The following PSEN1 variants were observed in gnomAD, a reference collection of about 807,000 sequenced individuals.
PSEN1 encodes the protein presenilin 1.
Under a neutral mutation model 53.5 loss-of-function variants are expected in PSEN1, and 15 were observed. The observed-to-expected ratio is 0.28, with a 90% confidence interval of 0.19 to 0.43. PSEN1 has a LOEUF of 0.43. PSEN1 is among the 20% of genes least tolerant of loss of function. PSEN1 has a pLI of 1.00. For synonymous variants in PSEN1, 208 were observed against 209.8 expected (o/e 0.99, Z 0.08); for missense variants, 387 against 571.2 (o/e 0.68, Z 3.29).
At chr14:73,149,128 A>G (rs933577424) in intron 3 of PSEN1, among the ~76,000 whole-genome samples, 3 of 152,166 alleles carry the variant, frequency 2.0e-5, no homozygotes, top group Non-Finnish European at 2.9e-5. Context: ...TGTTAGGACC[A>G]GAGAGCAGAG....
intron 8 of PSEN1, among the ~76,000 whole-genome samples, chr14:73,202,419 TATATATATATATATATATATATATA>T (rs1899233486): frequency 3.1e-3 from 65 of 20,636 alleles, no homozygotes; most frequent in African/African-American, 9.2e-3. Context: ...TATCACATAC[TATATATATATATATATATATATATA>T]TATATATATA....
chr14:73,139,885 A>C (rs987386747), intron 1 of PSEN1, among the ~76,000 whole-genome samples: 3 of 152,228 alleles, frequency 2.0e-5, no homozygotes, highest in Non-Finnish European at 4.4e-5. Context: ...TTGGCTTTTC[A>C]CAACGCCTTG....
Position 73,221,201 on chromosome 14 carries a change from G to A in PSEN1, c.*1912G>A, listed in dbSNP as rs962400291. ...CTATGCAAAGAAAGGGGGATTTAAA[G>A]TAGTAGGTTCTATCATCTCAATTCA... On this transcript the variant is annotated 3_prime_UTR_variant, in exon 12 of 12. Coordinates refer to ENST00000324501, the MANE Select transcript of PSEN1 (RefSeq NM_000021.4). The A allele has an allele frequency of 1.3e-5, 2 of 152,230 alleles. No homozygotes were observed. The highest frequency in any genetic ancestry group is 2.4e-5 in the African/African-American group (1 of 41,454). 9.4% of individuals were successfully genotyped at this position (152,230 alleles called of 1,614,324 possible).
chr14:73,140,638 T>A (rs1280178609), intron 1 of PSEN1, among the ~76,000 whole-genome samples: 1 of 152,186 alleles, frequency 6.6e-6, no homozygotes, highest in African/African-American at 2.4e-5. Flanking sequence ...TTTCTGCTTC[T>A]AAGACCCTGT....
intron 5 of PSEN1, 61 bp from the exon 6 acceptor site, chr14:73,186,792 A>T: frequency 3.5e-6 from 5 of 1,419,640 alleles, no homozygotes; most frequent in Non-Finnish European, 5.0e-6. Flanking sequence ...AGAAAAAAAA[A>T]ATCTGTACTT....
At chr14:73,189,856 G>A (rs1302433463) in intron 6 of PSEN1, 1 of 245,754 alleles carries the variant, frequency 4.1e-6, no homozygotes, top group Non-Finnish European at 8.4e-6. Flanking sequence ...TGCCTTCCAA[G>A]AAGCCCTTGA....
intron 5 of PSEN1, among the ~76,000 whole-genome samples, chr14:73,178,586 T>C (rs890361526): frequency 6.6e-6 from 1 of 152,208 alleles, no homozygotes; most frequent in Non-Finnish European, 1.5e-5. Context: ...TTGTTCTGGT[T>C]AGATAATTTC....
chr14:73,173,465 G>A (rs756436189), intron 4 of PSEN1, 101 bp from the exon 5 acceptor site: 44 of 1,207,786 alleles, frequency 3.6e-5, no homozygotes, highest in Middle Eastern at 2.0e-4. Context: ...TATAAGATAC[G>A]AATTGAATTA....
chr14:73,141,771 G>A (rs1364483233), intron 1 of PSEN1, among the ~76,000 whole-genome samples: 6 of 151,776 alleles, frequency 4.0e-5, no homozygotes, highest in Non-Finnish European at 8.8e-5. Context: ...GGCGACAAGA[G>A]TGAAACTACA....
intron 8 of PSEN1, among the ~76,000 whole-genome samples, chr14:73,200,991 C>T (rs1457737140): frequency 6.6e-6 from 1 of 152,128 alleles, no homozygotes; most frequent in African/African-American, 2.4e-5. Flanking sequence ...GCGGAGGTTA[C>T]AGTGAGCCAT....
intron 6 of PSEN1, among the ~76,000 whole-genome samples, chr14:73,189,059 G>T (rs1277114496): frequency 6.6e-6 from 1 of 152,088 alleles, no homozygotes; most frequent in African/African-American, 2.4e-5. Flanking sequence ...CCAAAATGCT[G>T]GGATTACAGG....
chr14:73,145,779 G>A (rs1594961577), intron 1 of PSEN1, among the ~76,000 whole-genome samples: 1 of 152,188 alleles, frequency 6.6e-6, no homozygotes. Context: ...GGGACCGTCT[G>A]TATTGTGAAA....
chr14:73,163,305 C>T (rs1190676116), intron 3 of PSEN1, among the ~76,000 whole-genome samples: 2 of 152,178 alleles, frequency 1.3e-5, no homozygotes, highest in African/African-American at 4.8e-5. Context: ...TGGCTGGACT[C>T]GATGGCTCAT....
chr14:73,185,265 T>C (rs1595022741), intron 5 of PSEN1, among the ~76,000 whole-genome samples: 1 of 150,920 alleles, frequency 6.6e-6, no homozygotes, highest in South Asian at 2.1e-4. Context: ...GGCTGGGAGG[T>C]GGAGGTTGTA....
In PSEN1 at chr14:73,223,590, C is replaced by T. The variant is rs980474545; in HGVS notation, c.*4301C>T. Reference sequence around the variant, plus strand: ...TTAATTCAGACAGACTGTGAATACACCTTTTTTATAAATACCTTTCAAATT... The same window carrying T: ...TTAATTCAGACAGACTGTGAATACATCTTTTTTATAAATACCTTTCAAATT... On this transcript the variant is annotated 3_prime_UTR_variant, in exon 12 of 12. Coordinates refer to ENST00000324501, the MANE Select transcript of PSEN1 (RefSeq NM_000021.4). 1 of 152,118 alleles carries T rather than the reference C, an allele frequency of 6.6e-6. No homozygotes were observed. The highest frequency in any genetic ancestry group is 1.9e-4 in the East Asian group (1 of 5,200). The allele number at this position is 152,118 out of a possible 1,614,324, so 9.4% of individuals were successfully genotyped here.
At chr14:73,192,918 T>A (rs1424347809) in intron 7 of PSEN1, 54 bp downstream of exon 7, 6 of 1,344,554 alleles carry the variant, frequency 4.5e-6, no homozygotes, top group Middle Eastern at 1.8e-4. Flanking sequence ...ACTGGAGTGT[T>A]TTCTTTCCTC....
chr14:73,175,656 A>G (rs187489510), intron 5 of PSEN1, among the ~76,000 whole-genome samples: 5 of 152,296 alleles, frequency 3.3e-5, no homozygotes, highest in Admixed American at 3.3e-4. Context: ...GCTATGAGAT[A>G]TTTGATTCAA....
At chr14:73,156,893 A>T (rs1418445073) in intron 3 of PSEN1, among the ~76,000 whole-genome samples, 2 of 151,996 alleles carry the variant, frequency 1.3e-5, no homozygotes, top group African/African-American at 4.8e-5. Context: ...CGATCTCCTG[A>T]CCTTGTGATC....
intron 5 of PSEN1, among the ~76,000 whole-genome samples, chr14:73,175,295 T>G (rs1384437746): frequency 1.3e-5 from 2 of 148,878 alleles, no homozygotes; most frequent in Non-Finnish European, 2.9e-5. Flanking sequence ...CCCGGCTAAT[T>G]TTTGTATTTT....
Sources: gnomAD v4.1 joint callset for allele counts (sites outside exome capture counted in the v4.1 genomes callset) on GRCh38, gnomAD v4.1.1 for gene constraint, MANE v1.5 for transcripts, NCBI Gene and HGNC (gene_info 2026-07-23, HGNC 2026-07-21) for gene names.